The following ACOX3 variants were observed in gnomAD, a reference collection of about 807,000 sequenced individuals.
ACOX3 encodes the protein peroxisomal acyl-coenzyme A oxidase 3.
A neutral mutation model predicts 81.5 loss-of-function variants in ACOX3; 73 were observed. The observed-to-expected ratio is 0.90, with a 90% CI of 0.74 to 1.09. The LOEUF (loss-of-function observed/expected upper bound fraction) is 1.09, where lower values mean the gene tolerates loss of function less well. ACOX3 is among the 50% of genes least tolerant of loss of function. ACOX3 has a pLI of 0.00. For synonymous variants in ACOX3, 387 were observed against 375.1 expected, an observed-to-expected ratio of 1.03 and a Z score of -0.37; for missense variants, 947 against 928.0, an observed-to-expected ratio of 1.02 and a Z score of -0.27.
intron 14 of ACOX3, among the ~76,000 whole-genome samples, chr4:8,376,728 G>A (rs1717016758): frequency 6.6e-6 from 1 of 152,176 alleles, no homozygotes; most frequent in South Asian, 2.1e-4. Context: ...CCAGCATGGG[G>A]CCTTGGGGCT....
At chr4:8,367,806 C>CAAATAA (rs1715647270) in intron 17 of ACOX3, among the ~76,000 whole-genome samples, 1 of 46,704 alleles carries the variant, frequency 2.1e-5, no homozygotes, top group African/African-American at 6.3e-5. Context: ...CCCATCTTTA[C>CAAATAA]AAAAAAAAAA....
intron 10 of ACOX3, among the ~76,000 whole-genome samples, chr4:8,393,637 GCACACACACA>G (rs10576121): frequency 2.1e-5 from 3 of 144,510 alleles, no homozygotes; most frequent in South Asian, 2.2e-4. Flanking sequence ...ACACACACAC[GCACACACACA>G]CACACACACA....
Position 8,389,662 on chromosome 4 carries a change from A to T in ACOX3, c.1373T>A (p.Leu458Gln), listed in dbSNP as rs756596645. 6.2e-7 allele frequency: 1 copy of T among 1,614,148 alleles called. No individual in the cohort carries two copies. Among genetic ancestry groups the T allele is most frequent in the Non-Finnish European group, 8.5e-7 (1 of 1,180,024 alleles). Residue 458 changes from leucine to glutamine, a missense_variant, in exon 12 of 18, where the codon CTG becomes CAG. Physicochemically the swap from Leu to Gln is moderately radical, Grantham distance 113 (BLOSUM62 -2). Coordinates refer to ENST00000356406, the MANE Select transcript of ACOX3 (RefSeq NM_003501.3). The surrounding 1 kb of genome is among the most constrained non-coding windows in gnomAD (Gnocchi z 5.3). ...CTYEGDNNIL[L>Q]QQTSNYLLGL... ...CAGCAAATAGTTGCTTGTCTGCTGC[A>T]GCAGGATGTTGTTGTCACCTTCGTA...
At chr4:8,376,561 A>G (rs73085883) in intron 14 of ACOX3, among the ~76,000 whole-genome samples, 4,617 of 152,142 alleles carry the variant, frequency 0.03, 93 homozygotes, top group African/African-American at 0.064. Flanking sequence ...CCTCGGGAAA[A>G]CAGAAACCGG....
At chr4:8,415,044 A>G in intron 3 of ACOX3, 116 bp from the exon 4 acceptor site, 1 of 956,498 alleles carries the variant, frequency 1.0e-6, no homozygotes, top group Non-Finnish European at 1.7e-6. Flanking sequence ...TCCCTGCCAC[A>G]CTGCACTTTC....
intron 16 of ACOX3, among the ~76,000 whole-genome samples, chr4:8,373,258 T>G (rs1578854801): frequency 1.3e-5 from 2 of 152,102 alleles, no homozygotes; most frequent in Non-Finnish European, 2.9e-5. Context: ...CATATTTTCT[T>G]GTAATCCTAC....
At chr4:8,408,876 G>T (rs1459374913) in intron 6 of ACOX3, among the ~76,000 whole-genome samples, 2 of 137,508 alleles carry the variant, frequency 1.5e-5, no homozygotes, top group Non-Finnish European at 3.1e-5. Flanking sequence ...GCTTCTTGTG[G>T]GACTGAGCCC....
chr4:8,387,220 C>T (rs906331961), intron 13 of ACOX3, among the ~76,000 whole-genome samples: 3 of 152,254 alleles, frequency 2.0e-5, no homozygotes, highest in Non-Finnish European at 4.4e-5. Flanking sequence ...ACTCAGTCCA[C>T]GGTACAAACA....
chr4:8,390,615 T>C (rs953126626), intron 11 of ACOX3, among the ~76,000 whole-genome samples: 1 of 152,364 alleles, frequency 6.6e-6, no homozygotes, highest in Non-Finnish European at 1.5e-5. Context: ...TGCCTTCACA[T>C]ATGTTGTCAG....
intron 15 of ACOX3, 23 bp downstream of exon 15, chr4:8,374,955 A>G (rs375721261): frequency 6.7e-7 from 1 of 1,483,138 alleles, no homozygotes; most frequent in African/African-American, 1.4e-5. Context: ...GGAGGACAGC[A>G]AGCCCGCAGT....
At chr4:8,396,373 C>A (rs1020703585) in intron 9 of ACOX3, among the ~76,000 whole-genome samples, 1 of 152,192 alleles carries the variant, frequency 6.6e-6, no homozygotes, top group South Asian at 2.1e-4. Context: ...CTCCCAGAGC[C>A]GCCCCATCCT....
chr4:8,371,850 T>C (rs748088399), intron 16 of ACOX3, among the ~76,000 whole-genome samples: 4 of 152,230 alleles, frequency 2.6e-5, no homozygotes, highest in Non-Finnish European at 5.9e-5. Context: ...TGGGAGATGT[T>C]ACCGGCTTTG....
chr4:8,395,962 C>T (rs1412862608), intron 9 of ACOX3, among the ~76,000 whole-genome samples: 3 of 152,224 alleles, frequency 2.0e-5, no homozygotes, highest in Non-Finnish European at 4.4e-5. Flanking sequence ...TTATTTGATC[C>T]TCAGTTCTCT....
chr4:8,359,264 G>A, the ACOX3 span, among the ~76,000 whole-genome samples: 5 of 152,160 alleles, frequency 3.3e-5, no homozygotes, highest in African/African-American at 1.2e-4. The surrounding 1 kb of genome is among the most constrained non-coding windows in gnomAD (Gnocchi z 6.0). Context: ...GGCCGACTTT[G>A]AATAAGTGGT....
the ACOX3 span, chr4:8,357,787 G>A: frequency 4.2e-5 from 7 of 168,090 alleles, no homozygotes; most frequent in East Asian, 4.5e-4. Flanking sequence ...CAAGCCCTCC[G>A]CCGCCCACAG....
At chr4:8,356,385 G>C in the ACOX3 span, 3 of 385,334 alleles carry the variant, frequency 7.8e-6, no homozygotes, top group East Asian at 1.4e-4. Context: ...ACCAACTCAC[G>C]CACAGTGATG....
chr4:8,435,858 C>A (rs911697640), intron 1 of ACOX3, among the ~76,000 whole-genome samples: 1 of 152,078 alleles, frequency 6.6e-6, no homozygotes, highest in Admixed American at 6.5e-5. Flanking sequence ...AGCCTACCCC[C>A]CTTTACCGAG....
chr4:8,358,993 C>G, the ACOX3 span, among the ~76,000 whole-genome samples: 2 of 152,184 alleles, frequency 1.3e-5, no homozygotes, highest in Non-Finnish European at 2.9e-5. Flanking sequence ...ATTGGGACCC[C>G]TTTCCTGTAA....
At chr4:8,377,421 A>G (rs1195183456) in intron 14 of ACOX3, among the ~76,000 whole-genome samples, 1 of 152,180 alleles carries the variant, frequency 6.6e-6, no homozygotes, top group African/African-American at 2.4e-5. Context: ...CAAATAATGC[A>G]TCGCGAGTGC....
Sources: allele counts gnomAD v4.1 joint callset (sites outside exome capture counted in the v4.1 genomes callset), GRCh38; gene constraint gnomAD v4.1.1; non-coding constraint Gnocchi (gnomAD v3.1); transcripts MANE v1.5; gene names NCBI Gene and HGNC (gene_info 2026-07-23, HGNC 2026-07-21).